TENM4: variants seen among roughly 807,000 people sequenced by gnomAD.
TENM4 encodes teneurin-4.
Under a neutral mutation model 243.3 loss-of-function variants are expected in TENM4, and 82 were observed. The ratio of observed to expected loss-of-function variants is 0.34; its 90% CI spans 0.28 to 0.40. The LOEUF is 0.40. TENM4 is among the 10% of genes least tolerant of loss of function. The pLI is 1.00. For missense variants in TENM4, 3,138 were observed against 3,673.3 expected (o/e 0.85, Z 3.77); for synonymous variants, 1,412 against 1,456.3 (o/e 0.97, Z 0.69).
intron 4 of TENM4, among the ~76,000 whole-genome samples, chr11:79,144,086 C>T (rs1036849293): frequency 6.6e-6 from 1 of 151,764 alleles, no homozygotes; most frequent in African/African-American, 2.4e-5. Flanking sequence ...TATATAAGGA[C>T]CTAAGGCAAC....
chr11:79,298,281 C>G (rs1040525143), intron 1 of TENM4, among the ~76,000 whole-genome samples: 1 of 151,742 alleles, frequency 6.6e-6, no homozygotes, highest in Non-Finnish European at 1.5e-5. Flanking sequence ...TTTGGGAGGC[C>G]GAGGCGGGTG....
At chr11:78,860,602 A>G (rs1302660379) in intron 10 of TENM4, among the ~76,000 whole-genome samples, 1 of 152,252 alleles carries the variant, frequency 6.6e-6, no homozygotes, top group Admixed American at 6.5e-5. Flanking sequence ...CATTTTTAAC[A>G]TCACAATGAA....
At chr11:78,748,450 G>A (rs1258242277) in intron 19 of TENM4, among the ~76,000 whole-genome samples, 1 of 152,210 alleles carries the variant, frequency 6.6e-6, no homozygotes, top group Non-Finnish European at 1.5e-5. Context: ...GGTTTTTTAT[G>A]ATGTAGTAGA....
At chr11:79,117,583 T>C (rs1861649687) in intron 4 of TENM4, among the ~76,000 whole-genome samples, 1 of 152,170 alleles carries the variant, frequency 6.6e-6, no homozygotes, top group African/African-American at 2.4e-5. Flanking sequence ...GGAATACTCT[T>C]CAACAAACTT....
chr11:78,754,441 C>T (rs574322119), intron 19 of TENM4, among the ~76,000 whole-genome samples: 26 of 152,248 alleles, frequency 1.7e-4, no homozygotes, highest in Admixed American at 7.2e-4. Flanking sequence ...ATACAGGAGA[C>T]GTGTCCCTGC....
At chr11:78,665,429 G>A (rs148823075) in intron 32 of TENM4, among the ~76,000 whole-genome samples, 3,634 of 151,968 alleles carry the variant, frequency 0.024, 83 homozygotes, top group Admixed American at 0.056. Context: ...GCGCCACCAC[G>A]CCCAGCTAAG....
At chr11:79,116,855 C>T (rs989539114) in intron 4 of TENM4, among the ~76,000 whole-genome samples, 1 of 152,158 alleles carries the variant, frequency 6.6e-6, no homozygotes, top group Admixed American at 6.5e-5. Flanking sequence ...ATACTGTCTA[C>T]CCCACAGGGC....
intron 4 of TENM4, among the ~76,000 whole-genome samples, chr11:79,138,319 A>ATATAT (rs1555015514): frequency 1.8e-5 from 2 of 113,570 alleles, no homozygotes; most frequent in African/African-American, 7.0e-5. Flanking sequence ...CTTTATATAT[A>ATATAT]TATATATATA....
At chr11:78,799,791 T>A (rs1857243940) in intron 15 of TENM4, among the ~76,000 whole-genome samples, 1 of 152,238 alleles carries the variant, frequency 6.6e-6, no homozygotes, top group Non-Finnish European at 1.5e-5. Flanking sequence ...AGCATGAGCA[T>A]TTTACAGGCA....
intron 4 of TENM4, among the ~76,000 whole-genome samples, chr11:79,104,779 G>T (rs1180259442): frequency 6.6e-6 from 1 of 152,182 alleles, no homozygotes. Context: ...AGTGAGAATG[G>T]GGCCATTTCA....
rs141404243 is a variant in TENM4 at position 79,215,341 on chromosome 11, A to ACT, written c.-163+465_-163+466dup. 3.4e-4 allele frequency among the ~76,000 whole-genome samples: 51 copies of ACT among 151,320 alleles called. 1 individual carries two copies. The East Asian group carries it at 9.9e-3, about 29-fold the overall frequency. On this transcript the variant is annotated intron_variant, in intron 3 of 33. Coordinates refer to ENST00000278550, the MANE Select transcript of TENM4 (RefSeq NM_001098816.3). ...CCACCTGCCTTCTGGACAGCCTTCCACTCACCTCCCCGTATCCTATTCCCC... is the reference window on the plus strand; with the variant it reads ...CCACCTGCCTTCTGGACAGCCTTCCACTCTCACCTCCCCGTATCCTATTCCCC...
intron 6 of TENM4, among the ~76,000 whole-genome samples, chr11:79,030,841 G>A (rs1227676643): frequency 6.6e-6 from 1 of 152,172 alleles, no homozygotes; most frequent in African/African-American, 2.4e-5. Flanking sequence ...GCGCCCCTGA[G>A]AAGCCTCTCA....
At chr11:78,881,994 G>C (rs1381026685) in intron 9 of TENM4, among the ~76,000 whole-genome samples, 2 of 152,214 alleles carry the variant, frequency 1.3e-5, no homozygotes, top group Non-Finnish European at 2.9e-5. Context: ...GCAGGATCCT[G>C]TATCTTTATC....
At chr11:79,437,392 ACGCGGCCGGGCCGGGGACGGGAGAAAGG>A (rs1859293916) in intron 1 of TENM4, among the ~76,000 whole-genome samples, 1 of 152,168 alleles carries the variant, frequency 6.6e-6, no homozygotes, top group African/African-American at 2.4e-5. Flanking sequence ...GTCCGCAGGA[ACGCGGCCGGGCCGGGGACGGGAGAAAGG>A]CGCGGCCGGG....
At position 78,902,096 on chromosome 11, in the gene TENM4, A is replaced by G. The variant is rs145617516; in HGVS notation, c.749+1172T>C. Among the ~76,000 whole-genome samples the G allele has an allele frequency of 3.8e-3, 575 of 152,304 alleles. 4 individuals carry two copies. Among genetic ancestry groups the G allele is most frequent in the African/African-American group, 0.013 (557 of 41,550 alleles). On this transcript the variant is annotated intron_variant, in intron 7 of 33. Coordinates refer to ENST00000278550, the MANE Select transcript of TENM4 (RefSeq NM_001098816.3). Reference sequence around the variant, plus strand: ...AAGAACAGGAGTTTGGGGAAATAAAATCTACGTTTCCCACTACTTTAGGAA... The same window carrying G: ...AAGAACAGGAGTTTGGGGAAATAAAGTCTACGTTTCCCACTACTTTAGGAA...
chr11:79,432,410 T>G (rs17138330), intron 1 of TENM4, among the ~76,000 whole-genome samples: 11,268 of 152,270 alleles, frequency 0.074, 487 homozygotes, highest in East Asian at 0.11. Context: ...AATGATCAGT[T>G]CTCATCCTGA....
chr11:79,172,438 T>C (rs1297591897), intron 3 of TENM4, among the ~76,000 whole-genome samples: 4 of 152,118 alleles, frequency 2.6e-5, no homozygotes, highest in Admixed American at 6.5e-5. Flanking sequence ...CCCCTATCCA[T>C]TCAGTTACTC....
At chr11:79,260,693 C>G (rs751678986) in intron 2 of TENM4, among the ~76,000 whole-genome samples, 1 of 152,102 alleles carries the variant, frequency 6.6e-6, no homozygotes, top group Non-Finnish European at 1.5e-5. Flanking sequence ...TAATTCAACT[C>G]CCTTCTTCCT....
At chr11:78,831,768 T>G (rs1192785459) in intron 12 of TENM4, among the ~76,000 whole-genome samples, 1 of 152,198 alleles carries the variant, frequency 6.6e-6, no homozygotes, top group Non-Finnish European at 1.5e-5. Context: ...CAGCTTTATT[T>G]TAGGCAAATC....
Sources: gnomAD v4.1 joint callset for allele counts (sites outside exome capture counted in the v4.1 genomes callset) on GRCh38, gnomAD v4.1.1 for gene constraint, MANE v1.5 for transcripts, NCBI Gene and HGNC (gene_info 2026-07-23, HGNC 2026-07-21) for gene names.